Variants in CACNA1E observed in about 807,000 individuals in gnomAD.
CACNA1E encodes calcium voltage-gated channel subunit alpha1 E.
CACNA1E carries 40 observed loss-of-function variants against 259.2 expected under a neutral mutation model. The observed-to-expected ratio is 0.15, with a 90% CI of 0.12 to 0.20. The LOEUF (loss-of-function observed/expected upper bound fraction) is 0.20, where lower values mean the gene tolerates loss of function less well. Among genes scored for constraint, CACNA1E ranks in the 10% least tolerant of loss-of-function variants. The pLI, the probability that CACNA1E is intolerant of heterozygous loss-of-function variation, is 1.00. For missense variants in CACNA1E, 1,874 were observed against 3,040.1 expected, an observed-to-expected ratio of 0.62 and a Z score of 9.02; for synonymous variants, 1,104 against 1,138.5, an observed-to-expected ratio of 0.97 and a Z score of 0.61.
At chr1:181,571,887 G>A (rs958925333) in intron 3 of CACNA1E, among the ~76,000 whole-genome samples, 11 of 152,116 alleles carry the variant, frequency 7.2e-5, no homozygotes, top group African/African-American at 2.4e-4. Flanking sequence ...GACTAAGAAG[G>A]GAGCTCTTTA....
chr1:181,323,912 G>A (rs1199146546), intron 1 of CACNA1E, among the ~76,000 whole-genome samples: 1 of 152,224 alleles, frequency 6.6e-6, no homozygotes, highest in African/African-American at 2.4e-5. Flanking sequence ...GGCAAGGAAA[G>A]CCAGCCTTCC....
intron 43 of CACNA1E, among the ~76,000 whole-genome samples, chr1:181,786,923 A>C (rs1422307692): frequency 1.3e-5 from 2 of 152,190 alleles, no homozygotes; most frequent in African/African-American, 4.8e-5. Flanking sequence ...CATCTTTGGA[A>C]GAGAAGAAAA....
chr1:181,359,151 G>A (rs1653672757), intron 1 of CACNA1E, among the ~76,000 whole-genome samples: 1 of 152,172 alleles, frequency 6.6e-6, no homozygotes, highest in Admixed American at 6.5e-5. Flanking sequence ...GGAACACTGG[G>A]TATGTGCTAA....
At chr1:181,614,818 C>A (rs1322262489) in intron 6 of CACNA1E, among the ~76,000 whole-genome samples, 1 of 152,178 alleles carries the variant, frequency 6.6e-6, no homozygotes, top group Non-Finnish European at 1.5e-5. Context: ...GCATTCATGA[C>A]ATACCTAACT....
chr1:181,446,759 A>C lies in CACNA1E; in HGVS notation c.434+33179A>C, dbSNP rs796674115. 3.9e-5 allele frequency among the ~76,000 whole-genome samples: 6 copies of C among 152,178 alleles called. No individual in the cohort carries two copies. In the East Asian group the frequency reaches 1.2e-3, roughly 29 times the overall value. On this transcript the variant is annotated intron_variant, in intron 2 of 11. Coordinates refer to the CACNA1E transcript ENST00000524607. ...AGCAGATTTTCACATGCTGGGAGACATCATGAAATGTGCCATTTGTTTCAC... is the reference window on the plus strand; with the variant it reads ...AGCAGATTTTCACATGCTGGGAGACCTCATGAAATGTGCCATTTGTTTCAC...
At chr1:181,793,894 G>T (rs976353125) in intron 45 of CACNA1E, 101 bp downstream of exon 45, 1 of 1,258,790 alleles carries the variant, frequency 7.9e-7, no homozygotes, top group East Asian at 2.5e-5. Flanking sequence ...TGACTTGCCC[G>T]CACCCCTTCC....
Position 181,717,080 on chromosome 1 carries a change from T to G in CACNA1E, c.1316-13T>G, listed in dbSNP as rs7540850. 1 of 1,611,518 alleles carries G rather than the reference T, an allele frequency of 6.2e-7. No homozygotes were observed. ...ATTTTGCAGTCTCATTCTTCCTTAC[T>G]TCTCCCTCTTAGGCACACCTCTGGC... On this transcript the variant is annotated splice_polypyrimidine_tract_variant and intron_variant, in intron 10 of 47. Coordinates refer to ENST00000367573, the MANE Select transcript of CACNA1E (RefSeq NM_001205293.3).
At position 181,803,717 on chromosome 1, in the gene CACNA1E, T is replaced by A. The variant is rs1558417402; in HGVS notation, c.*4883T>A. 6.6e-6 allele frequency: 1 copy of A among 152,268 alleles called. No individual in the cohort carries two copies. Among genetic ancestry groups the A allele is most frequent in the Non-Finnish European group, 1.5e-5 (1 of 68,100 alleles). 9.4% of individuals were successfully genotyped at this position (152,268 alleles called of 1,614,324 possible). On this transcript the variant is annotated 3_prime_UTR_variant, in exon 48 of 48. Transcript: ENST00000367573. ...CTATCTTTGCTTTCCGGAGGCCATCTTTTTCTTTCCTTGAATCCTTTCTGC... is the reference window on the plus strand; with the variant it reads ...CTATCTTTGCTTTCCGGAGGCCATCATTTTCTTTCCTTGAATCCTTTCTGC...
At chr1:181,643,283 A>G (rs1057255221) in intron 6 of CACNA1E, among the ~76,000 whole-genome samples, 1 of 152,204 alleles carries the variant, frequency 6.6e-6, no homozygotes, top group African/African-American at 2.4e-5. Flanking sequence ...TCTGTGTCAG[A>G]GTTCAGAAAG....
At chr1:181,487,678 C>T (rs537669147) in intron 1 of CACNA1E, among the ~76,000 whole-genome samples, 3 of 152,292 alleles carry the variant, frequency 2.0e-5, no homozygotes, top group African/African-American at 4.8e-5. Flanking sequence ...CCATGTTCAC[C>T]GTGCCTCATG....
chr1:181,488,079 G>C (rs968382712), intron 1 of CACNA1E, among the ~76,000 whole-genome samples: 1 of 152,222 alleles, frequency 6.6e-6, no homozygotes, highest in African/African-American at 2.4e-5. Flanking sequence ...ATCAGAGGTT[G>C]TATGCTTTAC....
intron 1 of CACNA1E, among the ~76,000 whole-genome samples, chr1:181,375,647 A>G (rs1400226691): frequency 6.6e-6 from 1 of 152,236 alleles, no homozygotes; most frequent in Admixed American, 6.5e-5. Context: ...TCCCCATTCT[A>G]CAGATGAGGA....
chr1:181,355,731 G>A (rs1454874644), intron 1 of CACNA1E, among the ~76,000 whole-genome samples: 1 of 152,210 alleles, frequency 6.6e-6, no homozygotes, highest in Non-Finnish European at 1.5e-5. Context: ...CCCTTTAAAA[G>A]AGAGCTTTGC....
intron 6 of CACNA1E, among the ~76,000 whole-genome samples, chr1:181,639,529 T>A (rs1657559301): frequency 6.6e-6 from 1 of 152,220 alleles, no homozygotes; most frequent in Non-Finnish European, 1.5e-5. Context: ...GAGGTCTGCA[T>A]GGGTTTAGGT....
At chr1:181,479,888 C>A (rs181589542), upstream of CACNA1E, among the ~76,000 whole-genome samples, 98 of 152,276 alleles carry the variant, frequency 6.4e-4, no homozygotes, top group Admixed American at 1.0e-3. Flanking sequence ...TGTCAAGGGT[C>A]GTGATACATG....
chr1:181,345,244 T>G (rs962627880), intron 1 of CACNA1E, among the ~76,000 whole-genome samples: 1 of 152,262 alleles, frequency 6.6e-6, no homozygotes, highest in Non-Finnish European at 1.5e-5. Context: ...TGATTGATGC[T>G]GATTGCATTG....
intron 2 of CACNA1E, among the ~76,000 whole-genome samples, chr1:181,441,099 A>G (rs1343810045): frequency 2.7e-5 from 4 of 148,358 alleles, no homozygotes; most frequent in Non-Finnish European, 5.9e-5. Flanking sequence ...TCCACAGTGG[A>G]TGGCAAGGCT....
At chr1:181,596,059 A>C (rs142201432) in intron 6 of CACNA1E, among the ~76,000 whole-genome samples, 104 of 152,300 alleles carry the variant, frequency 6.8e-4, no homozygotes, top group Admixed American at 2.7e-3. Flanking sequence ...TGGGTGCTTT[A>C]GCAAGTGGAG....
intron 37 of CACNA1E, among the ~76,000 whole-genome samples, chr1:181,772,887 A>G (rs1289668499): frequency 1.3e-5 from 2 of 152,188 alleles, no homozygotes; most frequent in East Asian, 1.9e-4. Flanking sequence ...GGGAAGCCCT[A>G]CGTGCCTCTG....
Sources: allele counts gnomAD v4.1 joint callset (sites outside exome capture counted in the v4.1 genomes callset), GRCh38; gene constraint gnomAD v4.1.1; transcripts MANE v1.5; gene names NCBI Gene and HGNC (gene_info 2026-07-23, HGNC 2026-07-21).